The following GALNTL6 variants were observed in gnomAD, a reference collection of about 807,000 sequenced individuals.
The protein encoded by GALNTL6 is polypeptide N-acetylgalactosaminyltransferase-like 6.
Under a neutral mutation model 73.7 loss-of-function variants are expected in GALNTL6, and 46 were observed. The ratio of observed to expected loss-of-function variants is 0.62; its 90% CI spans 0.49 to 0.80. The LOEUF is 0.80. Among genes scored for constraint, GALNTL6 ranks in the 30% least tolerant of loss-of-function variants. The pLI, the probability that GALNTL6 is intolerant of heterozygous loss-of-function variation, is 0.00. For missense variants in GALNTL6, 604 were observed against 755.0 expected, an observed-to-expected ratio of 0.80 and a Z score of 2.34; for synonymous variants, 259 against 263.7, an observed-to-expected ratio of 0.98 and a Z score of 0.17.
intron 2 of GALNTL6, among the ~76,000 whole-genome samples, chr4:171,912,586 G>A (rs1737507343): frequency 6.6e-6 from 1 of 151,982 alleles, no homozygotes; most frequent in South Asian, 2.1e-4. Flanking sequence ...AGACATTTTT[G>A]AAATATACAA....
At chr4:172,948,544 T>C (rs754012216) in intron 9 of GALNTL6, among the ~76,000 whole-genome samples, 8 of 150,574 alleles carry the variant, frequency 5.3e-5, no homozygotes, top group Non-Finnish European at 8.9e-5. Flanking sequence ...CCTCCACCTC[T>C]CGGGTTCAAG....
chr4:172,270,268 C>A (rs1738598446), intron 3 of GALNTL6, among the ~76,000 whole-genome samples: 2 of 151,688 alleles, frequency 1.3e-5, no homozygotes, highest in Admixed American at 6.6e-5. Context: ...TTATTTCTAC[C>A]AATTGTATGT....
At chr4:172,924,229 A>G (rs1233706107) in intron 8 of GALNTL6, among the ~76,000 whole-genome samples, 1 of 152,004 alleles carries the variant, frequency 6.6e-6, no homozygotes, top group Non-Finnish European at 1.5e-5. Flanking sequence ...CCCTTTAAAT[A>G]AACTCTCTGC....
chr4:172,103,807 G>T (rs1732591184), intron 2 of GALNTL6, among the ~76,000 whole-genome samples: 1 of 152,154 alleles, frequency 6.6e-6, no homozygotes, highest in Non-Finnish European at 1.5e-5. Flanking sequence ...ATTTTCAAAA[G>T]GGAGGCTTGC....
intron 5 of GALNTL6, among the ~76,000 whole-genome samples, chr4:172,785,642 A>T (rs550688597): frequency 2.0e-5 from 3 of 152,318 alleles, no homozygotes; most frequent in East Asian, 3.9e-4. Flanking sequence ...ATAAGAGTTA[A>T]GAAAAATAAA....
chr4:172,504,619 T>TAAA (rs1274413514), intron 5 of GALNTL6, among the ~76,000 whole-genome samples: 2 of 34,270 alleles, frequency 5.8e-5, no homozygotes, highest in African/African-American at 7.5e-5. Context: ...GTAAATGCTC[T>TAAA]AAAAAAAAAA....
At chr4:171,853,123 A>G (rs981760873) in intron 2 of GALNTL6, among the ~76,000 whole-genome samples, 2 of 146,842 alleles carry the variant, frequency 1.4e-5, no homozygotes, top group African/African-American at 5.1e-5. Context: ...TCAGCCTCCC[A>G]AAGTGCTGGG....
intron 5 of GALNTL6, among the ~76,000 whole-genome samples, chr4:172,432,426 A>C (rs1194247195): frequency 1.3e-5 from 2 of 151,976 alleles, no homozygotes; most frequent in African/African-American, 4.8e-5. Context: ...AAAAGAATAA[A>C]GATTTTTCAG....
intron 5 of GALNTL6, among the ~76,000 whole-genome samples, chr4:172,386,336 G>T (rs1579022347): frequency 6.6e-6 from 1 of 152,194 alleles, no homozygotes; most frequent in South Asian, 2.1e-4. Flanking sequence ...TCTGGTGTCT[G>T]GTAAGGACAC....
rs996495120 is a variant in GALNTL6 at position 172,400,074 on chromosome 4, A to G, written c.553+51385A>G. 5.3e-5 allele frequency among the ~76,000 whole-genome samples: 8 copies of G among 152,112 alleles called. 1 individual carries two copies. Among genetic ancestry groups the G allele is most frequent in the Admixed American group, 3.9e-4 (6 of 15,254 alleles). ...TACACCAGATTTTTCCAAGTGTTAGATTTGTGCCCTTTTAAAATTTTAGAA... is the reference window on the plus strand; with the variant it reads ...TACACCAGATTTTTCCAAGTGTTAGGTTTGTGCCCTTTTAAAATTTTAGAA... On this transcript the variant is annotated intron_variant, in intron 5 of 12. Coordinates refer to ENST00000506823, the MANE Select transcript of GALNTL6 (RefSeq NM_001034845.3).
At chr4:172,065,263 G>A (rs568474812) in intron 2 of GALNTL6, among the ~76,000 whole-genome samples, 27 of 152,136 alleles carry the variant, frequency 1.8e-4, no homozygotes, top group South Asian at 1.5e-3. Context: ...CCTCACATGC[G>A]CAGTTCACAA....
At chr4:172,349,116 TC>T (rs1741853631) in intron 5 of GALNTL6, among the ~76,000 whole-genome samples, 1 of 152,172 alleles carries the variant, frequency 6.6e-6, no homozygotes, top group Non-Finnish European at 1.5e-5. Context: ...TTGTGTTACT[TC>T]ATAAATATTA....
At chr4:172,568,966 G>A (rs1736666233) in intron 5 of GALNTL6, among the ~76,000 whole-genome samples, 1 of 150,912 alleles carries the variant, frequency 6.6e-6, no homozygotes, top group African/African-American at 2.4e-5. Flanking sequence ...TTTATGTGTG[G>A]CCCAAGAGAA....
At chr4:172,232,121 C>T (rs934196840) in intron 3 of GALNTL6, among the ~76,000 whole-genome samples, 3 of 141,342 alleles carry the variant, frequency 2.1e-5, no homozygotes, top group African/African-American at 7.8e-5. Flanking sequence ...TGTACACACA[C>T]ACTCAGGTAC....
At chr4:171,924,192 A>ACG (rs1403959719) in intron 2 of GALNTL6, among the ~76,000 whole-genome samples, 3 of 149,420 alleles carry the variant, frequency 2.0e-5, no homozygotes, top group African/African-American at 7.5e-5. Flanking sequence ...ATACACACAC[A>ACG]CACACACACA....
chr4:172,721,008 A>T (rs956567224), intron 5 of GALNTL6, among the ~76,000 whole-genome samples: 4 of 152,318 alleles, frequency 2.6e-5, no homozygotes, highest in Admixed American at 1.3e-4. Context: ...TAGAAATGGC[A>T]GAAGAAAATA....
At chr4:171,992,853 A>C (rs1740379727) in intron 2 of GALNTL6, among the ~76,000 whole-genome samples, 1 of 152,040 alleles carries the variant, frequency 6.6e-6, no homozygotes, top group South Asian at 2.1e-4. Flanking sequence ...GTATGTGCAG[A>C]AGTGTCTTAA....
At chr4:172,431,965 C>T (rs1452849855) in intron 5 of GALNTL6, among the ~76,000 whole-genome samples, 1 of 152,006 alleles carries the variant, frequency 6.6e-6, no homozygotes, top group African/African-American at 2.4e-5. Context: ...CTCAGTTATC[C>T]AATAGCAGCA....
chr4:171,864,135 G>T (rs1485139330), intron 2 of GALNTL6, among the ~76,000 whole-genome samples: 1 of 152,120 alleles, frequency 6.6e-6, no homozygotes, highest in East Asian at 1.9e-4. Flanking sequence ...GATTATTTGT[G>T]AAAATATAAA....
Sources: allele counts gnomAD v4.1 joint callset (sites outside exome capture counted in the v4.1 genomes callset), GRCh38; gene constraint gnomAD v4.1.1; transcripts MANE v1.5; gene names NCBI Gene and HGNC (gene_info 2026-07-23, HGNC 2026-07-21).